Variants in CXADR observed in about 807,000 individuals in gnomAD.
CXADR encodes coxsackievirus and adenovirus receptor.
In CXADR, 20 loss-of-function variants were observed where a neutral mutation model predicts 40.3. The observed-to-expected ratio is 0.50, with a 90% CI of 0.35 to 0.72. CXADR has a LOEUF of 0.72. Among genes scored for constraint, CXADR ranks in the 30% least tolerant of loss-of-function variants. The pLI is 0.01. For missense variants in CXADR, 332 were observed against 449.1 expected (o/e 0.74, Z 2.36); for synonymous variants, 150 against 161.3 (o/e 0.93, Z 0.53).
At chr21:17,595,805 TAGG>T (rs1569172192), downstream of CXADR, among the ~76,000 whole-genome samples, 1 of 152,032 alleles carries the variant, frequency 6.6e-6, no homozygotes, top group Non-Finnish European at 1.5e-5. Context: ...ATTTAATACT[TAGG>T]AGTGGAACTG....
chr21:17,601,344 G>A, the CXADR span, among the ~76,000 whole-genome samples: 1 of 152,104 alleles, frequency 6.6e-6, no homozygotes, highest in Non-Finnish European at 1.5e-5. Context: ...TCTACGGCTG[G>A]TGACTCTTCG....
exon 8 of CXADR, chr21:17,593,169 G>A (rs749387151): frequency 6.2e-6 from 9 of 1,455,446 alleles, no homozygotes; most frequent in Admixed American, 2.4e-5. Context: ...ACCCTTACAA[G>A]ACTGATGGAA....
Position 17,569,125 on chromosome 21 carries a change from T to TA in CXADR, c.*3438dup, listed in dbSNP as rs1276762593. ...TCAAATTCTGTGATGTGTGGCTTCT[T>TA]AAAAATATTCTCAGTGTCTTTTGTG... On this transcript the variant is annotated 3_prime_UTR_variant, in exon 7 of 7. Coordinates refer to ENST00000284878, the MANE Select transcript of CXADR (RefSeq NM_001338.5). 3.0e-6 allele frequency: 3 copies of TA among 985,440 alleles called. No homozygotes were observed. The African/African-American group carries it at 5.2e-5, about 17-fold the overall frequency. 61.0% of individuals were successfully genotyped at this position (985,440 alleles called of 1,614,324 possible).
chr21:17,575,278 T>C (rs1300593425), intron 7 of CXADR, among the ~76,000 whole-genome samples: 3 of 151,894 alleles, frequency 2.0e-5, no homozygotes, highest in African/African-American at 7.3e-5. Context: ...TCGATCTTCT[T>C]TGCTCAGCAA....
the CXADR span, among the ~76,000 whole-genome samples, chr21:17,617,548 T>G: frequency 0.21 from 31,259 of 152,230 alleles, 3,664 homozygotes; most frequent in African/African-American, 0.31. Flanking sequence ...TAAGTGAATA[T>G]TGCAATAATG....
chr21:17,554,265 CCAAAA>C (rs2061006310), intron 3 of CXADR, among the ~76,000 whole-genome samples: 1 of 130,730 alleles, frequency 7.6e-6, no homozygotes, highest in South Asian at 2.6e-4. Flanking sequence ...AGAACATGTC[CCAAAA>C]AGGAACCTGA....
At chr21:17,561,925 AT>A (rs1234165568) in intron 6 of CXADR, among the ~76,000 whole-genome samples, 5 of 152,326 alleles carry the variant, frequency 3.3e-5, no homozygotes, top group South Asian at 2.1e-4. Flanking sequence ...AGATAATAGA[AT>A]TTTAGAAGTA....
At chr21:17,571,478 A>G (rs1438977973), downstream of CXADR, among the ~76,000 whole-genome samples, 2 of 152,216 alleles carry the variant, frequency 1.3e-5, no homozygotes, top group African/African-American at 2.4e-5. Context: ...TGGCTGGATC[A>G]TATTTCTGCT....
the CXADR span, among the ~76,000 whole-genome samples, chr21:17,600,836 C>A: frequency 6.6e-6 from 1 of 152,106 alleles, no homozygotes; most frequent in African/African-American, 2.4e-5. Flanking sequence ...TACATAACTT[C>A]GCTTTTGTAT....
Position 17,551,882 on chromosome 21 carries a change from T to C in CXADR, c.344T>C (p.Ile115Thr). 6.2e-7 allele frequency: 1 copy of C among 1,613,994 alleles called. No homozygotes were observed. Among genetic ancestry groups the C allele is most frequent in the South Asian group, 1.1e-5 (1 of 91,080 alleles). Residue 115 changes from isoleucine (I) to threonine (T), a missense_variant, in exon 3 of 7, where the codon ATT becomes ACT. Ile to Thr is a moderately conservative substitution (Grantham distance 89). This residue lies in a region of CXADR where 162 missense variants were observed against 198.5 expected (regional missense o/e 0.82). Coordinates refer to ENST00000284878, the MANE Select transcript of CXADR (RefSeq NM_001338.5). ...INVTNLQLSD[I>T]GTYQCKVKKA... ...GTAACGAATTTACAACTGTCAGATATTGGCACATATCAGTGCAAAGTGAAA... is the reference window on the plus strand; with the variant it reads ...GTAACGAATTTACAACTGTCAGATACTGGCACATATCAGTGCAAAGTGAAA...
chr21:17,568,044 C>T lies in CXADR; in HGVS notation c.*2352C>T, dbSNP rs578160415. The T allele has an allele frequency of 3.3e-5, 32 of 984,224 alleles. No homozygotes were observed. In the East Asian group the frequency reaches 5.7e-4, roughly 18 times the overall value. The allele number at this position is 984,224 out of a possible 1,614,324, so 61.0% of individuals were successfully genotyped here. A position where few individuals can be genotyped will look rare whatever the true frequency, so the allele number is the denominator to read the frequency against. Reference sequence around the variant, plus strand: ...GAACCAGAGATCAAATATTTGCTCCCGAATTACTACTGGTAATCAAGTAGT... The same window carrying T: ...GAACCAGAGATCAAATATTTGCTCCTGAATTACTACTGGTAATCAAGTAGT... On this transcript the variant is annotated 3_prime_UTR_variant, in exon 7 of 7. Coordinates refer to ENST00000284878, the MANE Select transcript of CXADR (RefSeq NM_001338.5).
intron 1 of CXADR, among the ~76,000 whole-genome samples, chr21:17,538,108 TCTC>T (rs1328095285): frequency 6.6e-6 from 1 of 152,004 alleles, no homozygotes; most frequent in African/African-American, 2.4e-5. Flanking sequence ...TTCAAGCCAT[TCTC>T]CTGCTTCAGC....
At chr21:17,561,798 A>G (rs2061125923) in intron 6 of CXADR, among the ~76,000 whole-genome samples, 1 of 152,232 alleles carries the variant, frequency 6.6e-6, no homozygotes, top group African/African-American at 2.4e-5. Flanking sequence ...AGGTTTGAAA[A>G]AAAAACTGAC....
the CXADR span, chr21:17,611,598 A>T: frequency 1.3e-5 from 2 of 152,334 alleles, no homozygotes; most frequent in African/African-American, 2.4e-5. Context: ...GAACCACCAG[A>T]GGCAAGCAGG....
chr21:17,564,454 A>G (rs2061174474), intron 6 of CXADR, among the ~76,000 whole-genome samples: 1 of 152,116 alleles, frequency 6.6e-6, no homozygotes, highest in Non-Finnish European at 1.5e-5. Flanking sequence ...AATTGTTATA[A>G]TGTATTGTTT....
chr21:17,579,391 T>A (rs2061344552), intron 7 of CXADR, among the ~76,000 whole-genome samples: 1 of 151,966 alleles, frequency 6.6e-6, no homozygotes. Context: ...TTCAAGCGAT[T>A]CTCCTGCCTC....
the CXADR span, among the ~76,000 whole-genome samples, chr21:17,600,610 C>A: frequency 1.3e-5 from 2 of 152,036 alleles, no homozygotes; most frequent in Admixed American, 6.5e-5. Context: ...TGCTTGAGCC[C>A]AGGAATTTGA....
Position 17,590,016 on chromosome 21 carries a change from CTCTAG to C in CXADR, c.1018-3130_1018-3126del, listed in dbSNP as rs529525110. Among the ~76,000 whole-genome samples the C allele has an allele frequency of 1.5e-4, 23 of 152,114 alleles. No homozygotes were observed. In the South Asian group the frequency reaches 1.9e-3, roughly 12 times the overall value. On this transcript the variant is annotated intron_variant, in intron 7 of 7. Transcript: ENST00000400169. ...TATACACAGAAATGATCCATTAAAC[CTCTAG>C]TCTAGATAGAAATGTGTTTCACCCA...
chr21:17,517,205 T>C (rs1451837387), intron 1 of CXADR, among the ~76,000 whole-genome samples: 1 of 152,214 alleles, frequency 6.6e-6, no homozygotes, highest in Non-Finnish European at 1.5e-5. Flanking sequence ...TAACAAATGC[T>C]GATATAGCAA....
Sources: allele counts gnomAD v4.1 joint callset (sites outside exome capture counted in the v4.1 genomes callset), GRCh38; gene constraint gnomAD v4.1.1; regional missense constraint gnomAD v4.1.1; transcripts MANE v1.5; gene names NCBI Gene and HGNC (gene_info 2026-07-23, HGNC 2026-07-21).